Variants in FBXO34 observed in about 807,000 individuals in gnomAD.
FBXO34 encodes the protein F-box protein 34, also known as F-box only protein 34.
In FBXO34, 12 loss-of-function variants were observed where a neutral mutation model predicts 24.5. The observed-to-expected ratio is 0.49, with a 90% CI of 0.31 to 0.79. The LOEUF (loss-of-function observed/expected upper bound fraction) is 0.79, where lower values mean the gene tolerates loss of function less well. FBXO34 is among the 30% of genes least tolerant of loss of function. The pLI is 0.04. For synonymous variants in FBXO34, 320 were observed against 311.9 expected, an observed-to-expected ratio of 1.03 and a Z score of -0.27; for missense variants, 823 against 857.7, an observed-to-expected ratio of 0.96 and a Z score of 0.51.
chr14:55,317,209 T>G (rs1326777923), intron 1 of FBXO34, among the ~76,000 whole-genome samples: 1 of 152,190 alleles, frequency 6.6e-6, no homozygotes, highest in African/African-American at 2.4e-5. Flanking sequence ...TACTAGCTTA[T>G]CAGAGCCAAT....
chr14:55,277,217 T>C (rs1471623019), intron 1 of FBXO34, among the ~76,000 whole-genome samples: 1 of 152,264 alleles, frequency 6.6e-6, no homozygotes, highest in Non-Finnish European at 1.5e-5. Context: ...AAACTACTTG[T>C]TCAAATGGTC....
intron 1 of FBXO34, among the ~76,000 whole-genome samples, chr14:55,323,480 T>G (rs970420352): frequency 3.3e-5 from 5 of 151,698 alleles, no homozygotes; most frequent in African/African-American, 4.9e-5. Flanking sequence ...AGTCTGTGAT[T>G]CAAGTGATTC....
chr14:55,324,579 C>T (rs949742663), intron 1 of FBXO34, among the ~76,000 whole-genome samples: 1 of 151,668 alleles, frequency 6.6e-6, no homozygotes, highest in African/African-American at 2.4e-5. Context: ...ACTTGAAAGC[C>T]CCACATAACA....
the FBXO34 span, among the ~76,000 whole-genome samples, chr14:55,402,713 C>G: frequency 3.3e-5 from 5 of 149,536 alleles, no homozygotes; most frequent in African/African-American, 9.9e-5. Context: ...TATGAGAAAG[C>G]ATAGCATAAA....
chr14:55,328,225 C>G (rs763661433), intron 1 of FBXO34, among the ~76,000 whole-genome samples: 15 of 152,172 alleles, frequency 9.9e-5, no homozygotes, highest in Non-Finnish European at 1.6e-4. Flanking sequence ...TTCCAAAGTG[C>G]TGGGATTAAG....
chr14:55,433,801 A>C, the FBXO34 span: 2 of 1,291,006 alleles, frequency 1.5e-6, no homozygotes, highest in Admixed American at 4.0e-5. Context: ...GCTGAATATG[A>C]AAATCTCAAA....
chr14:55,428,203 C>T, the FBXO34 span, among the ~76,000 whole-genome samples: 1 of 136,230 alleles, frequency 7.3e-6, no homozygotes, highest in Non-Finnish European at 1.5e-5. Context: ...GAGGTCGGCT[C>T]ACTGCAAGCT....
intron 1 of FBXO34, among the ~76,000 whole-genome samples, chr14:55,338,432 G>A (rs1324588378): frequency 6.6e-6 from 1 of 151,978 alleles, no homozygotes; most frequent in African/African-American, 2.4e-5. Context: ...TTCATCTACA[G>A]TTGTAGATAA....
chr14:55,411,449 G>A, the FBXO34 span, among the ~76,000 whole-genome samples: 5 of 152,206 alleles, frequency 3.3e-5, no homozygotes, highest in Non-Finnish European at 7.4e-5. Context: ...TGGTAGCAAA[G>A]CTCCGGTGCA....
intron 1 of FBXO34, among the ~76,000 whole-genome samples, chr14:55,305,874 CATG>C (rs1391414548): frequency 1.3e-5 from 2 of 152,174 alleles, no homozygotes; most frequent in African/African-American, 4.8e-5. Flanking sequence ...GCTGTAAAGT[CATG>C]ATTTATCATT....
At chr14:55,306,591 T>C (rs142016473) in intron 1 of FBXO34, among the ~76,000 whole-genome samples, 122 of 152,236 alleles carry the variant, frequency 8.0e-4, no homozygotes, top group African/African-American at 2.7e-3. Context: ...CCCAGCACTT[T>C]AGGAGGCCGA....
At chr14:55,398,874 A>G in the FBXO34 span, among the ~76,000 whole-genome samples, 1 of 152,056 alleles carries the variant, frequency 6.6e-6, no homozygotes, top group African/African-American at 2.4e-5. Context: ...AAATTGTATG[A>G]CTAACATCAT....
At chr14:55,336,824 TA>T (rs10649185) in intron 1 of FBXO34, among the ~76,000 whole-genome samples, 1,503 of 142,430 alleles carry the variant, frequency 0.011, 34 homozygotes, top group African/African-American at 0.035. Flanking sequence ...CCCAGAAATG[TA>T]AAAAAAAAAA....
chr14:55,353,834 C>T (rs1415760288), downstream of FBXO34, among the ~76,000 whole-genome samples: 1 of 152,096 alleles, frequency 6.6e-6, no homozygotes, highest in African/African-American at 2.4e-5. Flanking sequence ...ATTTCCTGTT[C>T]GAGTGACGTA....
chr14:55,413,764 A>G, the FBXO34 span: 1 of 318,650 alleles, frequency 3.1e-6, no homozygotes, highest in Non-Finnish European at 6.1e-6. Context: ...GGATCAACTG[A>G]GGTCAGGAGT....
chr14:55,344,248 A>G (rs1028372056), intron 1 of FBXO34, among the ~76,000 whole-genome samples: 1 of 152,010 alleles, frequency 6.6e-6, no homozygotes, highest in Non-Finnish European at 1.5e-5. Context: ...CAGGGTCACC[A>G]GGGGTCTTTA....
intron 1 of FBXO34, among the ~76,000 whole-genome samples, chr14:55,282,888 C>T (rs1019017715): frequency 1.3e-5 from 2 of 152,316 alleles, no homozygotes; most frequent in African/African-American, 4.8e-5. Context: ...ATTTGAGTTT[C>T]GTAAGGTAGT....
At position 55,346,824 on chromosome 14, in the gene FBXO34, G is replaced by A. The variant is rs546344054; in HGVS notation, c.-10-3557G>A. Among the ~76,000 whole-genome samples, 18 of 152,306 alleles carry A rather than the reference G, an allele frequency of 1.2e-4. No homozygotes were observed. In the South Asian group the frequency reaches 3.3e-3, roughly 28 times the overall value. ...TTTAAAAAGAAAATATCAAGAAAAC[G>A]GGTGTGTTTTTACCCAGCCCTTAGA... is the stretch of plus-strand genomic sequence containing the variant. On this transcript the variant is annotated intron_variant, in intron 1 of 1. Transcript: ENST00000313833.
intron 1 of FBXO34, among the ~76,000 whole-genome samples, chr14:55,344,426 C>G (rs77864563): frequency 6.6e-6 from 1 of 151,942 alleles, no homozygotes; most frequent in Non-Finnish European, 1.5e-5. Flanking sequence ...TGAAATGTTT[C>G]TGTGACAACT....
Sources: gnomAD v4.1 joint callset for allele counts (sites outside exome capture counted in the v4.1 genomes callset) on GRCh38, gnomAD v4.1.1 for gene constraint, MANE v1.5 for transcripts, NCBI Gene and HGNC (gene_info 2026-07-23, HGNC 2026-07-21) for gene names.